The following FGF14 variants were observed in gnomAD, a reference collection of about 807,000 sequenced individuals.
FGF14 encodes the protein fibroblast growth factor 14, also known as fibroblast growth factor homologous factor 4.
Under a neutral mutation model 25.5 loss-of-function variants are expected in FGF14, and 5 were observed. The observed-to-expected ratio is 0.20, with a 90% confidence interval of 0.10 to 0.41. The LOEUF (loss-of-function observed/expected upper bound fraction) is 0.41. FGF14 is among the 10% of genes least tolerant of loss of function. The pLI is 1.00. For synonymous variants in FGF14, 138 were observed against 118.3 expected (o/e 1.17, Z -1.08); for missense variants, 222 against 320.1 (o/e 0.69, Z 2.34).
At chr13:102,028,434 T>C (rs758539884) in intron 1 of FGF14, among the ~76,000 whole-genome samples, 6 of 152,078 alleles carry the variant, frequency 3.9e-5, no homozygotes, top group Non-Finnish European at 1.5e-5. Context: ...GCATCAAATA[T>C]GCTGGCATCT....
At chr13:101,911,074 T>C (rs2032884586) in intron 1 of FGF14, among the ~76,000 whole-genome samples, 1 of 152,036 alleles carries the variant, frequency 6.6e-6, no homozygotes, top group Non-Finnish European at 1.5e-5. Context: ...AAACCTTTCC[T>C]TTTAAATTTC....
At chr13:101,836,820 G>A (rs2042948007) in intron 3 of FGF14, among the ~76,000 whole-genome samples, 2 of 151,944 alleles carry the variant, frequency 1.3e-5, no homozygotes, top group Admixed American at 6.6e-5. Flanking sequence ...GAGAAATCAT[G>A]CCTAATTAGT....
At chr13:101,948,333 T>C (rs549337159) in intron 1 of FGF14, among the ~76,000 whole-genome samples, 20 of 152,212 alleles carry the variant, frequency 1.3e-4, no homozygotes, top group African/African-American at 3.8e-4. Flanking sequence ...AAGAATTCTA[T>C]AGGAACCACT....
At chr13:101,906,010 G>C (rs1174636356) in intron 1 of FGF14, among the ~76,000 whole-genome samples, 1 of 150,990 alleles carries the variant, frequency 6.6e-6, no homozygotes, top group African/African-American at 2.4e-5. Context: ...CATCTGAGCA[G>C]ATGCAGTGAA....
chr13:102,012,802 T>C (rs1320138894), intron 1 of FGF14, among the ~76,000 whole-genome samples: 1 of 152,130 alleles, frequency 6.6e-6, no homozygotes, highest in African/African-American at 2.4e-5. Flanking sequence ...ATTTTCAGCC[T>C]TTCCATCCAT....
intron 3 of FGF14, among the ~76,000 whole-genome samples, chr13:101,826,050 A>G (rs192151869): frequency 1.3e-5 from 2 of 152,270 alleles, no homozygotes; most frequent in East Asian, 3.9e-4. Flanking sequence ...TTCAGTTTAT[A>G]TACAAATGCA....
At chr13:102,130,854 A>G (rs757418168) in intron 1 of FGF14, among the ~76,000 whole-genome samples, 18 of 152,140 alleles carry the variant, frequency 1.2e-4, no homozygotes, top group Admixed American at 3.3e-4. Flanking sequence ...GAAATCCACT[A>G]TACCCGAAGG....
intron 3 of FGF14, among the ~76,000 whole-genome samples, chr13:101,773,914 C>A (rs2038936677): frequency 6.7e-6 from 1 of 149,318 alleles, no homozygotes; most frequent in Non-Finnish European, 1.5e-5. Context: ...GTATTATCTC[C>A]TATATCCTAG....
At chr13:101,839,184 C>G (rs1295218805) in intron 3 of FGF14, among the ~76,000 whole-genome samples, 1 of 152,018 alleles carries the variant, frequency 6.6e-6, no homozygotes, top group Non-Finnish European at 1.5e-5. Flanking sequence ...TGTTCCATGT[C>G]TGATGAAACA....
chr13:101,791,343 C>A (rs1362013491), intron 3 of FGF14, among the ~76,000 whole-genome samples: 1 of 152,070 alleles, frequency 6.6e-6, no homozygotes. Context: ...AATGAGCTGA[C>A]AATTTTATTC....
intron 1 of FGF14, among the ~76,000 whole-genome samples, chr13:101,968,077 A>G (rs2037329407): frequency 6.6e-6 from 1 of 152,212 alleles, no homozygotes; most frequent in Non-Finnish European, 1.5e-5. Flanking sequence ...TTTTATTAGC[A>G]TGACTGATGA....
chr13:102,388,921 G>A (rs555380092), intron 1 of FGF14, among the ~76,000 whole-genome samples: 3 of 152,214 alleles, frequency 2.0e-5, no homozygotes, highest in East Asian at 1.9e-4. Flanking sequence ...TCACTAAGCC[G>A]CTAAAATATG....
At chr13:101,762,188 G>A (rs1430412537) in intron 3 of FGF14, among the ~76,000 whole-genome samples, 8 of 152,200 alleles carry the variant, frequency 5.3e-5, no homozygotes, top group Admixed American at 5.2e-4. Context: ...AAAGCTTGGA[G>A]GGATGTGTGC....
rs1048719276 is a variant in FGF14, at chr13:102,006,193, A to G, written c.209-130897T>C. Among the ~76,000 whole-genome samples, 11 of 152,364 alleles carry G rather than the reference A, an allele frequency of 7.2e-5. 1 individual carries two copies. Among genetic ancestry groups the G allele is most frequent in the Non-Finnish European group, 1.3e-4 (9 of 68,042 alleles). ...ACAAGGGGAGAACCTGGGGAAATGTATACAGAACTCATTATATTTGCAACT... is the reference window on the plus strand; with the variant it reads ...ACAAGGGGAGAACCTGGGGAAATGTGTACAGAACTCATTATATTTGCAACT... On this transcript the variant is annotated intron_variant, in intron 1 of 4. Coordinates refer to the FGF14 transcript ENST00000376131.
intron 1 of FGF14, among the ~76,000 whole-genome samples, chr13:102,081,261 A>T (rs2043604369): frequency 6.6e-6 from 1 of 152,238 alleles, no homozygotes; most frequent in Non-Finnish European, 1.5e-5. Flanking sequence ...GAATTGCATC[A>T]TCTTGCCTTT....
At chr13:101,771,664 C>T (rs1217979577) in intron 3 of FGF14, among the ~76,000 whole-genome samples, 3 of 152,018 alleles carry the variant, frequency 2.0e-5, no homozygotes, top group Non-Finnish European at 4.4e-5. Flanking sequence ...GCCTGATTTT[C>T]TGATCTATGA....
At position 101,726,595 on chromosome 13, in the gene FGF14, G is replaced by A; in HGVS notation, c.607+17C>T. 5 of 1,607,038 alleles carry A rather than the reference G, an allele frequency of 3.1e-6. No individual in the cohort carries two copies. Among genetic ancestry groups the A allele is most frequent in the Non-Finnish European group, 4.3e-6 (5 of 1,174,002 alleles). The stretch of plus-strand genomic sequence containing the variant: ...TGTAATAAGTCTATGTAATAATAAT[G>A]CATGCATAATACTCACCTTCCAATG... On this transcript the variant is annotated intron_variant, in intron 4 of 4. Transcript: ENST00000376143.
chr13:101,726,495 A>G, intron 4 of FGF14, 117 bp downstream of exon 4: 3 of 1,003,170 alleles, frequency 3.0e-6, no homozygotes, highest in Non-Finnish European at 4.6e-6. Context: ...CCTAGATCAA[A>G]ATAAATGACA....
chr13:102,302,654 C>A (rs934987863), intron 1 of FGF14, among the ~76,000 whole-genome samples: 1 of 152,104 alleles, frequency 6.6e-6, no homozygotes, highest in African/African-American at 2.4e-5. Context: ...TGCCAGATAT[C>A]TTCCCACAAA....
Sources: gnomAD v4.1 joint callset for allele counts (sites outside exome capture counted in the v4.1 genomes callset) on GRCh38, gnomAD v4.1.1 for gene constraint, MANE v1.5 for transcripts, NCBI Gene and HGNC (gene_info 2026-07-23, HGNC 2026-07-21) for gene names.